Variants in GRM5 observed in about 807,000 individuals in gnomAD.
GRM5 encodes glutamate metabotropic receptor 5.
Under a neutral mutation model 83.1 loss-of-function variants are expected in GRM5, and 19 were observed. That is an observed-to-expected ratio of 0.23 (90% CI 0.16 to 0.34). GRM5 has a LOEUF of 0.34. GRM5 is among the 10% of genes least tolerant of loss of function. The pLI is 1.00. For synonymous variants in GRM5, 675 were observed against 633.6 expected (o/e 1.07, Z -0.98); for missense variants, 1,160 against 1,588.3 (o/e 0.73, Z 4.58).
intron 9 of GRM5, 69 bp from the exon 10 acceptor site, chr11:88,509,573 A>C: frequency 9.4e-6 from 11 of 1,172,132 alleles, no homozygotes; most frequent in Non-Finnish European, 1.4e-5. Flanking sequence ...CGCTTCCCCA[A>C]TGGTGGTTGC....
intron 3 of GRM5, among the ~76,000 whole-genome samples, chr11:88,663,993 C>T (rs1040297155): frequency 1.3e-5 from 2 of 152,116 alleles, no homozygotes; most frequent in African/African-American, 4.8e-5. Context: ...ATATTTTCCT[C>T]ATACTTTCCT....
chr11:89,039,618 A>G (rs1941481394), intron 2 of GRM5, among the ~76,000 whole-genome samples: 1 of 152,238 alleles, frequency 6.6e-6, no homozygotes, highest in Non-Finnish European at 1.5e-5. Flanking sequence ...ACTGCTGGCC[A>G]GAGTGAACCT....
intron 3 of GRM5, among the ~76,000 whole-genome samples, chr11:88,752,351 A>T (rs913837770): frequency 6.6e-6 from 1 of 152,180 alleles, no homozygotes; most frequent in Non-Finnish European, 1.5e-5. Context: ...TCCCATTCAC[A>T]ATTGCTACAA....
At chr11:88,976,582 T>C (rs1939344195) in intron 2 of GRM5, among the ~76,000 whole-genome samples, 1 of 152,126 alleles carries the variant, frequency 6.6e-6, no homozygotes, top group African/African-American at 2.4e-5. Flanking sequence ...GCTGTTATTA[T>C]GTAAATTTTA....
chr11:88,939,452 A>C (rs1314719046), intron 2 of GRM5, among the ~76,000 whole-genome samples: 1 of 151,744 alleles, frequency 6.6e-6, no homozygotes, highest in Non-Finnish European at 1.5e-5. Flanking sequence ...TGAAGCAAAA[A>C]ACTTTTAAAA....
At chr11:88,867,714 T>C (rs1178750322) in intron 2 of GRM5, among the ~76,000 whole-genome samples, 1 of 151,596 alleles carries the variant, frequency 6.6e-6, no homozygotes, top group East Asian at 2.0e-4. Context: ...GACATGCACA[T>C]TATCGTGTGA....
At chr11:88,533,025 C>T (rs1591328599) in intron 8 of GRM5, among the ~76,000 whole-genome samples, 12 of 152,234 alleles carry the variant, frequency 7.9e-5, no homozygotes, top group Admixed American at 7.2e-4. Context: ...TACTAAATTT[C>T]CCCAACCCAG....
intron 3 of GRM5, among the ~76,000 whole-genome samples, chr11:88,723,160 T>TCATAG (rs1565201915): frequency 2.0e-5 from 3 of 150,362 alleles, no homozygotes; most frequent in African/African-American, 7.4e-5. Flanking sequence ...TTTTTTTTTC[T>TCATAG]CATAGCAATA....
chr11:88,661,490 C>T (rs1178004640), intron 3 of GRM5, among the ~76,000 whole-genome samples: 1 of 151,836 alleles, frequency 6.6e-6, no homozygotes, highest in African/African-American at 2.4e-5. Flanking sequence ...TTGCAACCCA[C>T]ATAATTATTA....
At chr11:88,580,878 C>A (rs776316668) in intron 7 of GRM5, among the ~76,000 whole-genome samples, 1 of 152,166 alleles carries the variant, frequency 6.6e-6, no homozygotes, top group African/African-American at 2.4e-5. Context: ...CAGTGGCTCA[C>A]GCCTGTAATC....
intron 7 of GRM5, among the ~76,000 whole-genome samples, chr11:88,577,852 C>T (rs987313914): frequency 3.3e-5 from 5 of 152,054 alleles, no homozygotes; most frequent in African/African-American, 9.7e-5. Flanking sequence ...GGAATTATTG[C>T]TGATAGTTCA....
rs192274338 is a variant in GRM5 at position 88,774,105 on chromosome 11, G to T, written c.911+75801C>A. Among the ~76,000 whole-genome samples, 11 of 152,246 alleles carry T rather than the reference G, an allele frequency of 7.2e-5. No homozygotes were observed. The East Asian group carries it at 1.9e-3, about 27-fold the overall frequency. ...ATGAGCATGGAAAGTTTCTCCATTT[G>T]TTCATGTCCTCTTTTATTTCATTGA... On this transcript the variant is annotated intron_variant, in intron 3 of 9. Coordinates refer to ENST00000305447, the MANE Select transcript of GRM5 (RefSeq NM_001143831.3).
At chr11:88,712,131 T>G (rs961948057) in intron 3 of GRM5, among the ~76,000 whole-genome samples, 1 of 152,098 alleles carries the variant, frequency 6.6e-6, no homozygotes, top group Non-Finnish European at 1.5e-5. Context: ...TTCTCTCTTG[T>G]CTTGTATAAC....
chr11:88,567,012 T>G lies in GRM5; in HGVS notation c.2630+41A>C. 7.6e-7 allele frequency: 1 copy of G among 1,317,740 alleles called. No homozygotes were observed. Among genetic ancestry groups the G allele is most frequent in the Non-Finnish European group, 1.1e-6 (1 of 943,734 alleles). 81.6% of individuals were successfully genotyped at this position (1,317,740 alleles called of 1,614,324 possible). A position where few individuals can be genotyped will look rare whatever the true frequency, so the allele number is the denominator to read the frequency against. On this transcript the variant is annotated intron_variant, in intron 8 of 9. Coordinates refer to ENST00000305447, the MANE Select transcript of GRM5 (RefSeq NM_001143831.3). The surrounding 1 kb of genome is among the most constrained non-coding windows in gnomAD (Gnocchi z 7.3). ...CAGGAAACACATGCCTCTGCTCCAGTTTTAGGGGCCAGCATCCCTGTAAGC... is the reference window on the plus strand; with the variant it reads ...CAGGAAACACATGCCTCTGCTCCAGGTTTAGGGGCCAGCATCCCTGTAAGC...
In GRM5 at chr11:88,604,842, C is replaced by T; in HGVS notation, c.1270G>A (p.Gly424Arg). The stretch of plus-strand genomic sequence containing the variant: ...ATTGGCTTCATGGCATCACAGAGTC[C>T]TGCATAGCCTGGGCAGAGGGACATC... ...MQMSLCPGYA[G>R]LCDAMKPIDG... is the part of the protein sequence containing the mutation. The change falls in exon 5 of 10, where the codon GGA becomes AGA. Residue 424 changes from glycine (G) to arginine (R), a missense_variant. Transcript: ENST00000305447. 6.2e-7 allele frequency: 1 copy of T among 1,614,064 alleles called. No individual in the cohort carries two copies. The highest frequency in any genetic ancestry group is 8.5e-7 in the Non-Finnish European group (1 of 1,179,970).
chr11:88,580,823 T>C (rs1352671710), intron 7 of GRM5, among the ~76,000 whole-genome samples: 1 of 152,224 alleles, frequency 6.6e-6, no homozygotes, highest in East Asian at 1.9e-4. Context: ...GGGATCTTAC[T>C]TTCAAATGTA....
At chr11:88,795,962 C>T (rs1472036256) in intron 3 of GRM5, among the ~76,000 whole-genome samples, 2 of 152,038 alleles carry the variant, frequency 1.3e-5, no homozygotes, top group East Asian at 1.9e-4. Context: ...TTTAATGAAA[C>T]GTATTAGTAA....
chr11:89,013,642 T>G (rs547814269), intron 2 of GRM5, among the ~76,000 whole-genome samples: 1 of 152,310 alleles, frequency 6.6e-6, no homozygotes, highest in Admixed American at 6.5e-5. Context: ...TGCTTCTCAG[T>G]GCAAAAATAG....
intron 3 of GRM5, among the ~76,000 whole-genome samples, chr11:88,664,495 G>A (rs1939988270): frequency 6.6e-6 from 1 of 151,878 alleles, no homozygotes; most frequent in African/African-American, 2.4e-5. Context: ...TGCCCAGGCT[G>A]GAATGCAATG....
Sources: allele counts gnomAD v4.1 joint callset (sites outside exome capture counted in the v4.1 genomes callset), GRCh38; gene constraint gnomAD v4.1.1; non-coding constraint Gnocchi (gnomAD v3.1); transcripts MANE v1.5; gene names NCBI Gene and HGNC (gene_info 2026-07-23, HGNC 2026-07-21).